Variants in STIL observed in about 807,000 individuals in gnomAD.
The protein encoded by STIL is STIL centriolar assembly protein.
Under a neutral mutation model 110.1 loss-of-function variants are expected in STIL, and 55 were observed. That is an observed-to-expected ratio of 0.50 (90% CI 0.40 to 0.63). The LOEUF (loss-of-function observed/expected upper bound fraction) is 0.63, where lower values mean the gene tolerates loss of function less well. Among genes scored for constraint, STIL ranks in the 20% least tolerant of loss-of-function variants. The probability of loss-of-function intolerance (pLI) is 0.00; values close to 1 mark genes in which losing one functional copy is unlikely to be tolerated. For missense variants in STIL, 1,358 were observed against 1,530.0 expected (o/e 0.89, Z 1.87); for synonymous variants, 481 against 530.0 (o/e 0.91, Z 1.27).
In STIL at chr1:47,260,272, A is replaced by C. The variant is rs762958820; in HGVS notation, c.3080+17T>G. On this transcript the variant is annotated intron_variant, in intron 16 of 16. Coordinates refer to ENST00000371877, the MANE Select transcript of STIL (RefSeq NM_001048166.1). ...ATAAAATTTATTCACTCTTTAAAAC[A>C]AAATTTTAAAAGTTACCTGGCGTGA... 1 of 1,602,636 alleles carries C rather than the reference A, an allele frequency of 6.2e-7. No individual in the cohort carries two copies. Among genetic ancestry groups the C allele is most frequent in the Non-Finnish European group, 8.5e-7 (1 of 1,176,080 alleles).
chr1:47,270,251 TATATACACACACACACACACACAC>T (rs1644792295), intron 13 of STIL, among the ~76,000 whole-genome samples: 2 of 119,192 alleles, frequency 1.7e-5, no homozygotes, highest in African/African-American at 3.5e-5. Context: ...AATATATATA[TATATACACACACACACACACACAC>T]ACACACACAC....
At chr1:47,283,843 T>C (rs185599967) in intron 10 of STIL, 5 of 142,862 alleles carry the variant, frequency 3.5e-5, no homozygotes, top group African/African-American at 1.3e-4. Flanking sequence ...TTAAGATGAA[T>C]ATACACACAA....
intron 7 of STIL, among the ~76,000 whole-genome samples, chr1:47,295,378 G>A (rs961643252): frequency 5.3e-5 from 8 of 151,898 alleles, no homozygotes; most frequent in African/African-American, 1.7e-4. Context: ...CCACGGGTTC[G>A]AGACGAGCCT....
At chr1:47,284,596 A>G (rs3125636) in intron 10 of STIL, among the ~76,000 whole-genome samples, 33,787 of 152,156 alleles carry the variant, frequency 0.22, 4,430 homozygotes, top group East Asian at 0.53. Context: ...TTAAGACAGT[A>G]AAGATGTTCC....
At position 47,260,410 on chromosome 1, in the gene STIL, A is replaced by G; in HGVS notation, c.2959T>C (p.Ser987Pro). 3 of 1,614,120 alleles carry G rather than the reference A, an allele frequency of 1.9e-6. No individual in the cohort carries two copies. Among genetic ancestry groups the G allele is most frequent in the Non-Finnish European group, 2.5e-6 (3 of 1,180,020 alleles). The change falls in exon 16 of 17, where the codon TCA (serine) becomes CCA (proline). Residue 987 changes from serine (S) to proline (P), a missense_variant. Transcript: ENST00000371877. ...ACACAATCTTTGTCCACCAGTCTTG[A>G]ATGATGTGTTTTTTTCTTTGTATGG... ...VYHTKKKTHH[S>P]RLVDKDCVLN... is the part of the protein sequence containing the mutation.
chr1:47,271,421 A>G (rs1365698137), intron 13 of STIL, among the ~76,000 whole-genome samples: 2 of 151,888 alleles, frequency 1.3e-5, no homozygotes, highest in African/African-American at 4.8e-5. Flanking sequence ...AAAATACAAA[A>G]ATTAGCCAGG....
At chr1:47,308,187 T>G (rs1416818422) in intron 2 of STIL, among the ~76,000 whole-genome samples, 1 of 152,162 alleles carries the variant, frequency 6.6e-6, no homozygotes, top group Non-Finnish European at 1.5e-5. Flanking sequence ...CCTCCCCTTT[T>G]GAAACTCCCT....
chr1:47,302,291 T>G lies in STIL; in HGVS notation c.208A>C (p.Lys70Gln). The G allele has an allele frequency of 1.2e-6, 2 of 1,614,122 alleles. No homozygotes were observed. The highest frequency in any genetic ancestry group is 1.7e-6 in the Non-Finnish European group (2 of 1,180,014). Reference sequence around the variant, plus strand: ...CATGACGAATTTTTTTTATTCTGCTTAGCATGACGATAAGCAAGTCGGATG... The same window carrying G: ...CATGACGAATTTTTTTTATTCTGCTGAGCATGACGATAAGCAAGTCGGATG... The part of the protein sequence containing the change: ...KTIRLAYRHA[K>Q]QNKKNSSCFL... Residue 70 changes from lysine to glutamine, a missense_variant, in exon 4 of 17, where the codon AAG becomes CAG. Transcript: ENST00000371877.
chr1:47,273,484 G>A (rs1644900297), intron 12 of STIL, among the ~76,000 whole-genome samples: 1 of 152,088 alleles, frequency 6.6e-6, no homozygotes, highest in African/African-American at 2.4e-5. Flanking sequence ...CTTTCACTTG[G>A]CATAATGTTT....
In STIL at chr1:47,251,863, G is replaced by T. The variant is rs574416702; in HGVS notation, c.3140C>A (p.Ala1047Asp). The T allele has an allele frequency of 7.5e-6, 12 of 1,608,320 alleles. No homozygotes were observed. The East Asian group carries it at 2.7e-4, about 36-fold the overall frequency. The stretch of plus-strand genomic sequence containing the variant: ...GCTTAAGCCGCTCATGCCAACATTA[G>T]CAAATGACATGCAGTTTAATCCAGA... ...VISGLNCMSF[A>D]NVGMSGLSPN... Residue 1047 changes from alanine to aspartate, a missense_variant, in exon 17 of 17, where the codon GCT becomes GAT. By Grantham distance (126) the Ala-to-Asp change is moderately radical. Coordinates refer to ENST00000371877, the MANE Select transcript of STIL (RefSeq NM_001048166.1).
chr1:47,265,237 C>CAAAAAAAAAAAAAAAAAA (rs61666574), intron 14 of STIL, among the ~76,000 whole-genome samples: 9 of 51,652 alleles, frequency 1.7e-4, no homozygotes, highest in South Asian at 9.3e-4. Context: ...CTCCATCTCC[C>CAAAAAAAAAAAAAAAAAA]AAAAAAAAAA....
chr1:47,255,546 C>T (rs1180472340), intron 16 of STIL, among the ~76,000 whole-genome samples: 3 of 65,706 alleles, frequency 4.6e-5, no homozygotes, highest in African/African-American at 1.1e-4. Flanking sequence ...GAGACCCTGT[C>T]TCTCAAAAAA....
intron 12 of STIL, among the ~76,000 whole-genome samples, chr1:47,279,091 A>C (rs1319612660): frequency 6.6e-6 from 1 of 152,030 alleles, no homozygotes; most frequent in Non-Finnish European, 1.5e-5. Context: ...AGGTCAGGAG[A>C]TCGAGACCAT....
At chr1:47,289,096 A>G (rs558072042) in intron 9 of STIL, among the ~76,000 whole-genome samples, 1 of 150,556 alleles carries the variant, frequency 6.6e-6, no homozygotes, top group African/African-American at 2.4e-5. Flanking sequence ...ACATCAGGAC[A>G]AAGAAAAGTA....
chr1:47,271,719 T>C (rs1644846126), intron 13 of STIL, among the ~76,000 whole-genome samples: 1 of 151,746 alleles, frequency 6.6e-6, no homozygotes, highest in African/African-American at 2.4e-5. Flanking sequence ...GACAGGAGGA[T>C]TGCTTGAACC....
intron 16 of STIL, among the ~76,000 whole-genome samples, chr1:47,259,908 C>T (rs554697677): frequency 2.0e-5 from 3 of 152,310 alleles, no homozygotes; most frequent in African/African-American, 7.2e-5. Flanking sequence ...TGTAACTGTA[C>T]ATCCAGTAGC....
At chr1:47,313,555 A>G (rs1019897531) in intron 1 of STIL, among the ~76,000 whole-genome samples, 1 of 151,266 alleles carries the variant, frequency 6.6e-6, no homozygotes, top group Non-Finnish European at 1.5e-5. Flanking sequence ...CATCCCTCAC[A>G]ATCCAACTCG....
intron 5 of STIL, 49 bp downstream of exon 5, chr1:47,301,512 A>T (rs1645803157): frequency 6.6e-7 from 1 of 1,507,972 alleles, no homozygotes; most frequent in Non-Finnish European, 9.2e-7. Context: ...TACTAAACAT[A>T]GTTTGATTCT....
rs758441077 is a variant in STIL at position 47,289,547 on chromosome 1, T to C, written c.911A>G (p.Tyr304Cys). The change falls in exon 9 of 17, where the codon TAT becomes TGT. Residue 304 changes from tyrosine to cysteine, a missense_variant. Transcript: ENST00000371877. ...CTCAGGTTCCTTATGTGTCATAGAA[T>C]AGAGAACTATGATGAAATTTCCAGA... is the stretch of plus-strand genomic sequence containing the variant. ...SESGNFIIVL[Y>C]SMTHKEPEFY... is the part of the protein sequence containing the mutation. 1.1e-5 allele frequency: 17 copies of C among 1,613,606 alleles called. No individual in the cohort carries two copies. Among genetic ancestry groups the C allele is most frequent in the Non-Finnish European group, 1.2e-5 (14 of 1,179,712 alleles).
Sources: gnomAD v4.1 joint callset for allele counts (sites outside exome capture counted in the v4.1 genomes callset) on GRCh38, gnomAD v4.1.1 for gene constraint, MANE v1.5 for transcripts, NCBI Gene and HGNC (gene_info 2026-07-23, HGNC 2026-07-21) for gene names.